The following TMED10 variants were observed in gnomAD, a reference collection of about 807,000 sequenced individuals.
TMED10 encodes transmembrane p24 trafficking protein 10.
A neutral mutation model predicts 23.1 loss-of-function variants in TMED10; 7 were observed. That is an observed-to-expected ratio of 0.30 (90% CI 0.17 to 0.57). The LOEUF (loss-of-function observed/expected upper bound fraction) is 0.57, where lower values mean the gene tolerates loss of function less well. Among genes scored for constraint, TMED10 ranks in the 20% least tolerant of loss-of-function variants. TMED10 has a pLI of 0.91. For missense variants in TMED10, 162 were observed against 274.8 expected (o/e 0.59, Z 2.90); for synonymous variants, 113 against 106.9 (o/e 1.06, Z -0.35).
At chr14:75,149,218 A>C (rs1895926463) in intron 2 of TMED10, among the ~76,000 whole-genome samples, 1 of 152,212 alleles carries the variant, frequency 6.6e-6, no homozygotes, top group Admixed American at 6.5e-5. Flanking sequence ...TGCCTGGCGG[A>C]GAAGTAGGAC....
chr14:75,164,550 TA>T (rs1566675122), intron 1 of TMED10, among the ~76,000 whole-genome samples: 1,549 of 20,432 alleles, frequency 0.076, 135 homozygotes, highest in Admixed American at 0.089. Context: ...TATATATATA[TA>T]TATATATATA....
chr14:75,175,684 T>C (rs1896296246), intron 1 of TMED10, among the ~76,000 whole-genome samples: 1 of 151,770 alleles, frequency 6.6e-6, no homozygotes. Context: ...GGCACATGTA[T>C]ACATATGTAA....
At chr14:75,140,603 G>C (rs1352884919) in intron 3 of TMED10, among the ~76,000 whole-genome samples, 1 of 152,152 alleles carries the variant, frequency 6.6e-6, no homozygotes, top group African/African-American at 2.4e-5. Flanking sequence ...AGCTACTCAG[G>C]AGGCTGAGGC....
intron 1 of TMED10, among the ~76,000 whole-genome samples, chr14:75,163,552 C>CAAAAAAAAAAAAAAAAA (rs758185921): frequency 1.6e-5 from 1 of 60,758 alleles, no homozygotes; most frequent in African/African-American, 6.2e-5. Context: ...GACTCCGTAT[C>CAAAAAAAAAAAAAAAAA]AAAAAAAAAA....
At chr14:75,141,127 C>T (rs1048804465) in intron 3 of TMED10, among the ~76,000 whole-genome samples, 2 of 151,980 alleles carry the variant, frequency 1.3e-5, no homozygotes, top group Non-Finnish European at 2.9e-5. Context: ...GTAGTAACTT[C>T]TATAACAAAA....
chr14:75,146,772 TCTTGCAG>T (rs1895887443), intron 3 of TMED10, among the ~76,000 whole-genome samples: 1 of 152,204 alleles, frequency 6.6e-6, no homozygotes, highest in African/African-American at 2.4e-5. Flanking sequence ...ATTCCTAGTC[TCTTGCAG>T]CTTTTTCCTC....
intron 2 of TMED10, among the ~76,000 whole-genome samples, chr14:75,148,059 T>C (rs368864909): frequency 3.3e-5 from 5 of 152,100 alleles, no homozygotes; most frequent in East Asian, 1.9e-4. Context: ...CACAGGCTTA[T>C]TGAATTGGGA....
intron 1 of TMED10, among the ~76,000 whole-genome samples, chr14:75,165,337 C>T (rs546008889): frequency 5.3e-5 from 8 of 152,272 alleles, no homozygotes; most frequent in African/African-American, 1.9e-4. Context: ...AAGCGATTCT[C>T]CTGCCTCAGC....
At chr14:75,171,195 AGG>A (rs1566676797) in intron 1 of TMED10, among the ~76,000 whole-genome samples, 1 of 151,146 alleles carries the variant, frequency 6.6e-6, no homozygotes, top group Non-Finnish European at 1.5e-5. Context: ...GGAGGAAGAG[AGG>A]AAGAAGGGGT....
intron 3 of TMED10, among the ~76,000 whole-genome samples, chr14:75,146,281 C>T (rs1895882082): frequency 6.6e-6 from 1 of 152,190 alleles, no homozygotes; most frequent in Admixed American, 6.5e-5. Context: ...AACTGTTGTA[C>T]TACTTCCTGT....
chr14:75,173,257 T>C (rs930917717), intron 1 of TMED10, among the ~76,000 whole-genome samples: 3 of 152,080 alleles, frequency 2.0e-5, no homozygotes, highest in Non-Finnish European at 4.4e-5. Context: ...TATGGTGGCA[T>C]GTGCCTGTAA....
intron 1 of TMED10, 39 bp from the exon 2 acceptor site, chr14:75,152,182 C>T (rs772759390): frequency 4.6e-6 from 7 of 1,528,450 alleles, no homozygotes; most frequent in Non-Finnish European, 9.0e-7. Context: ...CAGCAAATAA[C>T]ACTCAGGAAG....
intron 3 of TMED10, among the ~76,000 whole-genome samples, chr14:75,147,213 G>A (rs1237193581): frequency 1.7e-5 from 2 of 117,512 alleles, no homozygotes; most frequent in Non-Finnish European, 3.3e-5. Flanking sequence ...TTTTGAGATG[G>A]AGCCTTGCCC....
At chr14:75,166,821 C>T (rs1012381760) in intron 1 of TMED10, among the ~76,000 whole-genome samples, 4 of 152,172 alleles carry the variant, frequency 2.6e-5, no homozygotes, top group South Asian at 2.1e-4. Context: ...GTTAAATTCA[C>T]GCTGAAAGGG....
chr14:75,154,018 G>A (rs1475296729), intron 1 of TMED10, among the ~76,000 whole-genome samples: 1 of 150,180 alleles, frequency 6.7e-6, no homozygotes, highest in Non-Finnish European at 1.5e-5. Flanking sequence ...AATCCAACCC[G>A]CCTCGGCTTC....
At position 75,134,892 on chromosome 14, in the gene TMED10, A is replaced by G; in HGVS notation, c.653T>C (p.Ile218Thr). 1.2e-6 allele frequency: 2 copies of G among 1,613,968 alleles called. No homozygotes were observed. Among genetic ancestry groups the G allele is most frequent in the Non-Finnish European group, 1.7e-6 (2 of 1,179,904 alleles). Residue 218 changes from isoleucine (I) to threonine (T), a missense_variant, in exon 5 of 5, where the codon ATT becomes ACT. Physicochemically the swap from Ile to Thr is moderately conservative, Grantham distance 89. Transcript: ENST00000303575. ...LRRFFKAKKL[I>T]E ...GAGAATATGCCTCATTCATTACTCAATCAATTTCTTGGCCTTGAAGAAGCG... is the reference window on the plus strand; with the variant it reads ...GAGAATATGCCTCATTCATTACTCAGTCAATTTCTTGGCCTTGAAGAAGCG...
intron 1 of TMED10, among the ~76,000 whole-genome samples, chr14:75,172,463 G>A (rs1002295007): frequency 2.6e-5 from 4 of 151,964 alleles, no homozygotes; most frequent in East Asian, 1.9e-4. Context: ...GTGCCACCAC[G>A]CCCAGCTAAT....
intron 1 of TMED10, 134 bp downstream of exon 1, chr14:75,176,221 C>T: frequency 8.8e-7 from 1 of 1,134,102 alleles, no homozygotes; most frequent in Non-Finnish European, 1.2e-6. Context: ...GCGGGCTCCA[C>T]CGCACGTCCT....
rs761646330 is a variant in TMED10 at position 75,135,018 on chromosome 14, C to A, written c.539-12G>T. 50 of 1,612,558 alleles carry A rather than the reference C, an allele frequency of 3.1e-5. No individual in the cohort carries two copies. Among genetic ancestry groups the A allele is most frequent in the Non-Finnish European group, 4.1e-5 (48 of 1,179,270 alleles). ...AGTGTTTGTTGACTCTAAAAAAAAA[C>A]AAAAGCATTGTAAACATAATGAAGT... On this transcript the variant is annotated splice_polypyrimidine_tract_variant and intron_variant, in intron 4 of 4. Transcript: ENST00000303575.
Sources: gnomAD v4.1 joint callset for allele counts (sites outside exome capture counted in the v4.1 genomes callset) on GRCh38, gnomAD v4.1.1 for gene constraint, MANE v1.5 for transcripts, NCBI Gene and HGNC (gene_info 2026-07-23, HGNC 2026-07-21) for gene names.